EIPR1: variants seen among roughly 807,000 people sequenced by gnomAD.
EIPR1 encodes EARP and GARP complex-interacting protein 1.
EIPR1 carries 25 observed loss-of-function variants against 48.1 expected under a neutral mutation model. The observed-to-expected ratio is 0.52, with a 90% CI of 0.38 to 0.73. The LOEUF is 0.73. Ranked by LOEUF, EIPR1 falls within the 30% of genes least tolerant of loss-of-function variation. EIPR1 has a pLI of 0.00. For synonymous variants in EIPR1, 204 were observed against 201.9 expected (o/e 1.01, Z -0.09); for missense variants, 415 against 506.2 (o/e 0.82, Z 1.73).
At chr2:3,226,779 G>A (rs573666964) in intron 4 of EIPR1, among the ~76,000 whole-genome samples, 6 of 152,316 alleles carry the variant, frequency 3.9e-5, no homozygotes, top group African/African-American at 1.4e-4. Context: ...GGTGGGAGGT[G>A]ATGGTATCAT....
At chr2:3,201,914 C>A (rs1665006262) in intron 5 of EIPR1, among the ~76,000 whole-genome samples, 1 of 152,054 alleles carries the variant, frequency 6.6e-6, no homozygotes, top group African/African-American at 2.4e-5. Flanking sequence ...GGTTCAATGT[C>A]TTTTTATTTT....
At chr2:3,275,039 A>T (rs1445482412) in intron 3 of EIPR1, among the ~76,000 whole-genome samples, 2 of 152,166 alleles carry the variant, frequency 1.3e-5, no homozygotes, top group African/African-American at 4.8e-5. Context: ...GTTGTACCAA[A>T]AAAAAAGTAT....
chr2:3,323,808 T>G (rs2103328930), intron 3 of EIPR1, among the ~76,000 whole-genome samples: 1 of 152,300 alleles, frequency 6.6e-6, no homozygotes, highest in East Asian at 1.9e-4. Context: ...TGTCTGCTGC[T>G]TAGTATCACG....
intron 3 of EIPR1, chr2:3,320,494 G>T (rs558387813): frequency 1.3e-5 from 2 of 152,950 alleles, no homozygotes; most frequent in African/African-American, 4.8e-5. Flanking sequence ...GGGCACAGAC[G>T]CTCTCTTTGC....
chr2:3,270,637 G>A (rs369029164), intron 3 of EIPR1, among the ~76,000 whole-genome samples: 1 of 152,196 alleles, frequency 6.6e-6, no homozygotes, highest in South Asian at 2.1e-4. Flanking sequence ...ATAACATTAT[G>A]TCTAAAAAAC....
chr2:3,249,454 CA>C (rs1464779053), intron 4 of EIPR1, among the ~76,000 whole-genome samples: 1 of 152,160 alleles, frequency 6.6e-6, no homozygotes, highest in Non-Finnish European at 1.5e-5. Context: ...AGCCTACAAT[CA>C]GATACAGGAG....
intron 3 of EIPR1, among the ~76,000 whole-genome samples, chr2:3,279,702 G>A (rs1005936422): frequency 5.9e-5 from 9 of 152,348 alleles, no homozygotes; most frequent in South Asian, 2.1e-4. Flanking sequence ...CACGAGGGTC[G>A]GGACAGCGGC....
intron 5 of EIPR1, among the ~76,000 whole-genome samples, chr2:3,206,277 T>A (rs577536749): frequency 6.6e-6 from 1 of 152,016 alleles, no homozygotes; most frequent in African/African-American, 2.4e-5. Flanking sequence ...AGGGTGGAGG[T>A]TGTCCTGCCA....
chr2:3,215,395 A>C (rs1367130676), intron 4 of EIPR1, among the ~76,000 whole-genome samples: 1 of 152,252 alleles, frequency 6.6e-6, no homozygotes, highest in East Asian at 1.9e-4. Flanking sequence ...CACCAGGCTC[A>C]GGGGTGATGT....
intron 3 of EIPR1, among the ~76,000 whole-genome samples, chr2:3,305,991 G>C (rs528170033): frequency 1.3e-5 from 2 of 152,198 alleles, no homozygotes; most frequent in East Asian, 1.9e-4. Flanking sequence ...CCTTTCTACT[G>C]AGTTCCGAGG....
rs56963007 is a variant in EIPR1, at chr2:3,210,627, C to CTT, written c.516+3520_516+3521dup. On this transcript the variant is annotated intron_variant, in intron 5 of 8. Transcript: ENST00000382125. ...TCTTCTCACTGTTTACCTCCCAATT[C>CTT]TTTTTTTTTTTTTTTTTTTTTGAGA... Among the ~76,000 whole-genome samples, 21 of 118,420 alleles carry CTT rather than the reference C, an allele frequency of 1.8e-4. 2 individuals carry two copies. The highest frequency in any genetic ancestry group is 2.9e-4 in the Admixed American group (3 of 10,514). The allele number at this position is 118,420 out of a possible 152,430, so 77.7% of individuals were successfully genotyped here.
rs116016510 is a variant in EIPR1 at position 3,212,747 on chromosome 2, C to T, written c.516+1402G>A. ...TCAATCTCAGGCATGAAATGTCATT[C>T]GTTTCCTGTTTTATCTTAAAAGTTT... is the stretch of plus-strand genomic sequence containing the variant. On this transcript the variant is annotated intron_variant, in intron 5 of 8. Coordinates refer to ENST00000382125, the MANE Select transcript of EIPR1 (RefSeq NM_003310.5). 6.9e-3 allele frequency among the ~76,000 whole-genome samples: 1,051 copies of T among 152,268 alleles called. 9 individuals are homozygous for T. The highest frequency in any genetic ancestry group is 0.011 in the Non-Finnish European group (754 of 68,012).
intron 2 of EIPR1, among the ~76,000 whole-genome samples, chr2:3,340,953 C>T (rs553913225): frequency 7.3e-5 from 11 of 151,478 alleles, no homozygotes; most frequent in African/African-American, 1.7e-4. Flanking sequence ...AAAAATTAGC[C>T]GGGCGTAGTG....
At chr2:3,353,681 T>C (rs1670645760) in intron 2 of EIPR1, among the ~76,000 whole-genome samples, 1 of 152,224 alleles carries the variant, frequency 6.6e-6, no homozygotes, top group Admixed American at 6.5e-5. Flanking sequence ...GAATTACAGA[T>C]TAAGTATATA....
intron 1 of EIPR1, among the ~76,000 whole-genome samples, chr2:3,361,917 G>C (rs1470144320): frequency 6.6e-6 from 1 of 152,232 alleles, no homozygotes; most frequent in Admixed American, 6.5e-5. Context: ...ATCGCCTCCT[G>C]CTCTTCTTTC....
intron 3 of EIPR1, chr2:3,282,645 G>A (rs775029353): frequency 4.6e-5 from 7 of 152,234 alleles, no homozygotes; most frequent in African/African-American, 9.6e-5. Context: ...AGCTGGCGGC[G>A]GCAACTCCGT....
intron 2 of EIPR1, among the ~76,000 whole-genome samples, chr2:3,339,715 G>A (rs1272474709): frequency 3.9e-5 from 6 of 152,150 alleles, no homozygotes; most frequent in Admixed American, 2.6e-4. Context: ...TTGGGAGGCC[G>A]AGGCGGGCGG....
chr2:3,293,217 T>C (rs532834723), intron 3 of EIPR1, among the ~76,000 whole-genome samples: 5 of 152,190 alleles, frequency 3.3e-5, no homozygotes, highest in Non-Finnish European at 7.3e-5. Flanking sequence ...GATGAGGGCC[T>C]CCCCTTGAGC....
intron 1 of EIPR1, among the ~76,000 whole-genome samples, chr2:3,375,847 C>T (rs1005732391): frequency 6.6e-6 from 1 of 152,216 alleles, no homozygotes; most frequent in East Asian, 1.9e-4. Context: ...GTGTCTGACA[C>T]ATAGTCCAGA....
Sources: gnomAD v4.1 joint callset for allele counts (sites outside exome capture counted in the v4.1 genomes callset) on GRCh38, gnomAD v4.1.1 for gene constraint, MANE v1.5 for transcripts, NCBI Gene and HGNC (gene_info 2026-07-23, HGNC 2026-07-21) for gene names.